Variants in TRIM14 observed in about 807,000 individuals in gnomAD.
TRIM14 encodes the protein tripartite motif containing 14.
A neutral mutation model predicts 44.5 loss-of-function variants in TRIM14; 28 were observed. The ratio of observed to expected loss-of-function variants is 0.63; its 90% CI spans 0.47 to 0.86. TRIM14 has a LOEUF of 0.86. Among genes scored for constraint, TRIM14 ranks in the 40% least tolerant of loss-of-function variants. The probability of loss-of-function intolerance (pLI) is 0.00; values close to 1 mark genes in which losing one functional copy is unlikely to be tolerated. For missense variants in TRIM14, 607 were observed against 611.1 expected (o/e 0.99, Z 0.07); for synonymous variants, 299 against 269.2 (o/e 1.11, Z -1.08).
rs976699728 is a variant in TRIM14, at chr9:98,095,176, A to G, written c.538-147T>C. 4 of 1,035,074 alleles carry G rather than the reference A, an allele frequency of 3.9e-6. No homozygotes were observed. The Admixed American group carries it at 1.1e-4, about 30-fold the overall frequency. The allele number at this position is 1,035,074 out of a possible 1,614,324, so 64.1% of individuals were successfully genotyped here. A position where few individuals can be genotyped will look rare whatever the true frequency, so the allele number is the denominator to read the frequency against. On this transcript the variant is annotated intron_variant, in intron 3 of 5. Transcript: ENST00000341469. The surrounding 1 kb of genome is among the most constrained non-coding windows in gnomAD (Gnocchi z 4.1). The stretch of plus-strand genomic sequence containing the variant: ...TATGGTCAGCCCAGGCCATGCCTGC[A>G]GGAGCAGAGCCCTGGAGAGACCATA...
At chr9:98,083,471 T>C (rs886428455), downstream of TRIM14, among the ~76,000 whole-genome samples, 12 of 152,220 alleles carry the variant, frequency 7.9e-5, no homozygotes, top group Admixed American at 3.3e-4. Flanking sequence ...TTCCTGCCCT[T>C]GGCCTCTGTG....
chr9:98,101,029 G>T (rs572349887), intron 2 of TRIM14, among the ~76,000 whole-genome samples: 1 of 151,996 alleles, frequency 6.6e-6, no homozygotes, highest in Non-Finnish European at 1.5e-5. Flanking sequence ...CAGGCTGAGT[G>T]CAGTGGTGCG....
chr9:98,110,049 C>G, intron 1 of TRIM14, 65 bp from the exon 2 acceptor site: 2 of 1,200,526 alleles, frequency 1.7e-6, no homozygotes, highest in South Asian at 2.4e-5. Context: ...AGGCCCCCCA[C>G]AGGGGTCACC....
intron 6 of TRIM14, among the ~76,000 whole-genome samples, chr9:98,070,243 A>G (rs1829278362): frequency 6.6e-6 from 1 of 151,986 alleles, no homozygotes; most frequent in Non-Finnish European, 1.5e-5. Flanking sequence ...TCAGCCTCCC[A>G]AGTAGCTGGG....
In TRIM14 at chr9:98,087,247, G is replaced by C. The variant is rs777836580; in HGVS notation, c.*223C>G. 1.3e-6 allele frequency: 1 copy of C among 799,878 alleles called. No individual in the cohort carries two copies. The highest frequency in any genetic ancestry group is 2.3e-6 in the Non-Finnish European group (1 of 437,178). 49.5% of individuals were successfully genotyped at this position (799,878 alleles called of 1,614,324 possible). ...GTGATGGTGGGGTGAGGGTGCGGAG[G>C]TCTGATGAGAGGGCAGCAGCAGACT... On this transcript the variant is annotated 3_prime_UTR_variant, in exon 6 of 6. Transcript: ENST00000341469.
intron 2 of TRIM14, 45 bp from the exon 3 acceptor site, chr9:98,100,209 G>C (rs754822504): frequency 2.6e-6 from 4 of 1,542,376 alleles, no homozygotes; most frequent in Non-Finnish European, 3.6e-6. Flanking sequence ...CTGCCAACCA[G>C]GAAATCCAGA....
At chr9:98,052,184 A>G in the TRIM14 span, among the ~76,000 whole-genome samples, 2 of 152,110 alleles carry the variant, frequency 1.3e-5, no homozygotes, top group Non-Finnish European at 2.9e-5. Context: ...CTGGGGTTAC[A>G]TGAGGGAAAC....
At chr9:98,098,034 C>T (rs1473597610) in intron 3 of TRIM14, among the ~76,000 whole-genome samples, 2 of 152,168 alleles carry the variant, frequency 1.3e-5, no homozygotes, top group Non-Finnish European at 2.9e-5. Flanking sequence ...CAGCTGGAGA[C>T]TGGCTTGGCG....
At chr9:98,042,040 A>C in the TRIM14 span, among the ~76,000 whole-genome samples, 4 of 151,498 alleles carry the variant, frequency 2.6e-5, no homozygotes, top group Non-Finnish European at 5.9e-5. Context: ...CATGCCTCTA[A>C]TCCCAGCACT....
chr9:98,080,572 G>C (rs978498669), downstream of TRIM14, among the ~76,000 whole-genome samples: 3 of 152,164 alleles, frequency 2.0e-5, no homozygotes, highest in Non-Finnish European at 4.4e-5. Context: ...GCATTCTTTA[G>C]AATAACAGTA....
At chr9:98,041,682 T>C in the TRIM14 span, among the ~76,000 whole-genome samples, 33 of 151,408 alleles carry the variant, frequency 2.2e-4, no homozygotes, top group Middle Eastern at 3.4e-3. Context: ...TTTTTGTTTT[T>C]GTTTTCGTTT....
chr9:98,102,125 C>T (rs1381457055), intron 2 of TRIM14, among the ~76,000 whole-genome samples: 1 of 152,046 alleles, frequency 6.6e-6, no homozygotes, highest in Non-Finnish European at 1.5e-5. Flanking sequence ...CCACAAACAG[C>T]TCACTAGCAC....
the TRIM14 span, among the ~76,000 whole-genome samples, chr9:98,058,570 C>T: frequency 6.6e-6 from 1 of 152,206 alleles, no homozygotes; most frequent in East Asian, 1.9e-4. Flanking sequence ...AAGGAGCAGT[C>T]TGTTTTTCCT....
At chr9:98,083,208 C>G (rs565815933), downstream of TRIM14, 49 of 707,114 alleles carry the variant, frequency 6.9e-5, no homozygotes, top group African/African-American at 8.6e-4. Context: ...GGGCTAGGCC[C>G]TGTGTCAGCC....
chr9:98,097,744 A>G (rs1424087638), intron 3 of TRIM14, among the ~76,000 whole-genome samples: 1 of 152,168 alleles, frequency 6.6e-6, no homozygotes, highest in African/African-American at 2.4e-5. Context: ...GGCCCAAGAG[A>G]ATTTGAAAAA....
In TRIM14 at chr9:98,086,154, C is replaced by T. The variant is rs550257428; in HGVS notation, c.*1316G>A. 1 of 152,332 alleles carries T rather than the reference C, an allele frequency of 6.6e-6. No individual in the cohort carries two copies. The highest frequency in any genetic ancestry group is 6.5e-5 in the Admixed American group (1 of 15,296). 9.4% of individuals were successfully genotyped at this position (152,332 alleles called of 1,614,324 possible). A position where few individuals can be genotyped will look rare whatever the true frequency, so the allele number is the denominator to read the frequency against. On this transcript the variant is annotated 3_prime_UTR_variant, in exon 6 of 6. Transcript: ENST00000341469. ...TTTGTCCCAAGACAGTTGGGAAACA[C>T]CACCCCCTTTGGTTGCTTAGCAACT...
chr9:98,055,379 T>G, the TRIM14 span, among the ~76,000 whole-genome samples: 1 of 151,908 alleles, frequency 6.6e-6, no homozygotes, highest in Non-Finnish European at 1.5e-5. Flanking sequence ...ATGCCAGGAG[T>G]GCTGATTGGT....
In TRIM14 at chr9:98,087,285, G is replaced by A; in HGVS notation, c.*185C>T. On this transcript the variant is annotated 3_prime_UTR_variant, in exon 6 of 6. Coordinates refer to ENST00000341469, the MANE Select transcript of TRIM14 (RefSeq NM_014788.4). ...GCAGCAGCAGACTTGTTTAGGGCCT[G>A]TTTGAAACTAGCCTAGGAGAGGAAA... 1.0e-6 allele frequency: 1 copy of A among 969,050 alleles called. No individual in the cohort carries two copies. The highest frequency in any genetic ancestry group is 1.7e-6 in the Non-Finnish European group (1 of 591,378). The allele number at this position is 969,050 out of a possible 1,614,324, so 60.0% of individuals were successfully genotyped here.
chr9:98,061,516 T>A, the TRIM14 span, among the ~76,000 whole-genome samples: 1 of 145,276 alleles, frequency 6.9e-6, no homozygotes, highest in Non-Finnish European at 1.5e-5. Context: ...GCGCGGTGTC[T>A]CACACCTGTA....
Sources: allele counts gnomAD v4.1 joint callset (sites outside exome capture counted in the v4.1 genomes callset), GRCh38; gene constraint gnomAD v4.1.1; non-coding constraint Gnocchi (gnomAD v3.1); transcripts MANE v1.5; gene names NCBI Gene and HGNC (gene_info 2026-07-23, HGNC 2026-07-21).